Variants in DYDC1 observed in about 807,000 individuals in gnomAD.
DYDC1 encodes the protein DPY30 domain containing 1, also known as DPY30 domain-containing protein 1.
DYDC1 carries 21 observed loss-of-function variants against 27.9 expected under a neutral mutation model. The observed-to-expected ratio is 0.75, with a 90% CI of 0.53 to 1.08. The LOEUF (loss-of-function observed/expected upper bound fraction) is 1.08. DYDC1 is among the 50% of genes least tolerant of loss of function. DYDC1 has a pLI of 0.00. For missense variants in DYDC1, 202 were observed against 205.9 expected (o/e 0.98, Z 0.12); for synonymous variants, 67 against 65.8 (o/e 1.02, Z -0.09).
chr10:80,344,776 TC>T, intron 3 of DYDC1: 1 of 315,044 alleles, frequency 3.2e-6, no homozygotes, highest in Admixed American at 3.7e-5. Context: ...GCCTTTCGCC[TC>T]CCACCATGAT....
At chr10:80,344,920 C>T (rs1264675988) in intron 3 of DYDC1, 2 of 154,588 alleles carry the variant, frequency 1.3e-5, no homozygotes, top group African/African-American at 4.8e-5. Context: ...CAGACAAGAG[C>T]ATTTTCAAAG....
In DYDC1 at chr10:80,355,986, T is replaced by TAAA. The variant is rs370903702; in HGVS notation, c.-10+723_-10+725dup. On this transcript the variant is annotated intron_variant, in intron 1 of 6. Transcript: ENST00000372202. ...ATCTCAAAGTCATTTGAAGTGAAGTTAAAAAAAAAAAAAAAAAAAGGTGCA... is the reference window on the plus strand; with the variant it reads ...ATCTCAAAGTCATTTGAAGTGAAGTTAAAAAAAAAAAAAAAAAAAAAAGGTGCA... 2.3e-3 allele frequency among the ~76,000 whole-genome samples: 279 copies of TAAA among 118,872 alleles called. 1 individual carries two copies. Among genetic ancestry groups the TAAA allele is most frequent in the South Asian group, 4.9e-3 (18 of 3,644 alleles). 78.0% of individuals were successfully genotyped at this position (118,872 alleles called of 152,430 possible).
intron 3 of DYDC1, among the ~76,000 whole-genome samples, chr10:80,343,846 A>T (rs1353621009): frequency 6.6e-6 from 1 of 152,106 alleles, no homozygotes; most frequent in African/African-American, 2.4e-5. Context: ...AATGTAAAAC[A>T]GAATTGGCTG....
chr10:80,339,342 C>A (rs1842240023), intron 4 of DYDC1, among the ~76,000 whole-genome samples, 189 bp from the exon 5 acceptor site: 1 of 152,046 alleles, frequency 6.6e-6, no homozygotes, highest in South Asian at 2.1e-4. Context: ...ATACTCTATA[C>A]TAATAGAAGG....
chr10:80,341,557 A>G (rs1236152492), intron 4 of DYDC1, among the ~76,000 whole-genome samples: 1 of 152,086 alleles, frequency 6.6e-6, no homozygotes, highest in Non-Finnish European at 1.5e-5. Context: ...TTAATACATT[A>G]ACATAAAGAC....
chr10:80,339,599 G>T (rs376768675), intron 4 of DYDC1, among the ~76,000 whole-genome samples: 1 of 152,116 alleles, frequency 6.6e-6, no homozygotes, highest in Non-Finnish European at 1.5e-5. Flanking sequence ...CACAGGACCT[G>T]AGCAATGCCC....
intron 4 of DYDC1, 70 bp from the exon 5 acceptor site, chr10:80,339,223 AT>A: frequency 1.4e-6 from 1 of 691,936 alleles, no homozygotes; most frequent in Non-Finnish European, 2.2e-6. Flanking sequence ...AATTTTTGGC[AT>A]TTTTACTTTT....
chr10:80,342,980 C>CAAAAAAAAAAAAA (rs55665661), intron 3 of DYDC1, among the ~76,000 whole-genome samples: 2 of 93,904 alleles, frequency 2.1e-5, no homozygotes, highest in Non-Finnish European at 4.3e-5. Context: ...GACTCCCTCT[C>CAAAAAAAAAAAAA]AAAAAAAAAA....
chr10:80,352,697 TA>T (rs1318093543), intron 1 of DYDC1, 87 bp from the exon 2 acceptor site: 1 of 1,425,658 alleles, frequency 7.0e-7, no homozygotes, highest in African/African-American at 1.5e-5. Flanking sequence ...AACAAAGCCT[TA>T]CATACACCCT....
At chr10:80,342,733 C>T (rs1420647798) in intron 3 of DYDC1, among the ~76,000 whole-genome samples, 1 of 152,142 alleles carries the variant, frequency 6.6e-6, no homozygotes, top group Non-Finnish European at 1.5e-5. Context: ...GTAATCCCAG[C>T]ACTTTGAGAA....
chr10:80,349,786 A>G (rs1842880558), intron 3 of DYDC1, among the ~76,000 whole-genome samples: 2 of 152,228 alleles, frequency 1.3e-5, no homozygotes, highest in South Asian at 4.1e-4. Context: ...TTCCTCACAC[A>G]TGAGCAAAAC....
chr10:80,342,980 CA>C (rs55665661), intron 3 of DYDC1, among the ~76,000 whole-genome samples: 3,052 of 93,832 alleles, frequency 0.033, 36 homozygotes, highest in Non-Finnish European at 0.04. Context: ...GACTCCCTCT[CA>C]AAAAAAAAAA....
At chr10:80,350,333 C>T (rs887256699) in intron 3 of DYDC1, among the ~76,000 whole-genome samples, 5 of 152,072 alleles carry the variant, frequency 3.3e-5, no homozygotes, top group Middle Eastern at 3.2e-3. Flanking sequence ...CTCCCACTTA[C>T]GATGTAATTG....
chr10:80,347,167 C>T (rs765542586), intron 3 of DYDC1, among the ~76,000 whole-genome samples: 7 of 151,416 alleles, frequency 4.6e-5, no homozygotes, highest in South Asian at 2.1e-4. Context: ...TGATGACTAG[C>T]GGTGTTGAAC....
chr10:80,351,469 C>T (rs1842968126), intron 3 of DYDC1, among the ~76,000 whole-genome samples: 1 of 152,148 alleles, frequency 6.6e-6, no homozygotes, highest in Admixed American at 6.5e-5. Flanking sequence ...TTTCCACCTC[C>T]CCTGCCTAAG....
At position 80,351,989 on chromosome 10, in the gene DYDC1, A is replaced by G. The variant is rs377457018; in HGVS notation, c.161T>C (p.Met54Thr). 2.5e-6 allele frequency: 4 copies of G among 1,613,878 alleles called. No homozygotes were observed. Among genetic ancestry groups the G allele is most frequent in the African/African-American group, 1.3e-5 (1 of 74,874 alleles). Residue 54 changes from methionine (M) to threonine (T), a missense_variant, in exon 3 of 7, where the codon ATG becomes ACG. Physicochemically the swap from Met to Thr is moderately conservative, Grantham distance 81. Transcript: ENST00000372202. ...TTCTCTTTCACGCTCCAGCTTGGCCATTTCCTTTTGTCTCTAGCATTGTTT... is the reference window on the plus strand; with the variant it reads ...TTCTCTTTCACGCTCCAGCTTGGCCGTTTCCTTTTGTCTCTAGCATTGTTT... ...VTMEQLRQKEMAKLERERELA... is the reference protein window; with the variant it reads ...VTMEQLRQKETAKLERERELA...
At chr10:80,339,213 A>C in intron 4 of DYDC1, 60 bp from the exon 5 acceptor site, 1 of 780,556 alleles carries the variant, frequency 1.3e-6, no homozygotes, top group Non-Finnish European at 1.9e-6. Context: ...TTTCATGTTT[A>C]ATTTTTGGCA....
chr10:80,337,399 C>A, intron 6 of DYDC1: 1 of 985,462 alleles, frequency 1.0e-6, no homozygotes, highest in Non-Finnish European at 1.2e-6. Context: ...CTGAACAGCT[C>A]TTGAAAACAA....
At chr10:80,345,321 T>C (rs988549171) in intron 3 of DYDC1, among the ~76,000 whole-genome samples, 3 of 152,200 alleles carry the variant, frequency 2.0e-5, no homozygotes, top group Non-Finnish European at 4.4e-5. Context: ...TAACTTTTTA[T>C]TGTGTAAATT....
Sources: allele counts gnomAD v4.1 joint callset (sites outside exome capture counted in the v4.1 genomes callset), GRCh38; gene constraint gnomAD v4.1.1; transcripts MANE v1.5; gene names NCBI Gene and HGNC (gene_info 2026-07-23, HGNC 2026-07-21).